PEX6: variants seen among roughly 807,000 people sequenced by gnomAD.
PEX6 encodes the protein peroxisome biogenesis factor 6.
Under a neutral mutation model 85.6 loss-of-function variants are expected in PEX6, and 55 were observed. That is an observed-to-expected ratio of 0.64 (90% confidence interval 0.52 to 0.80). The LOEUF (loss-of-function observed/expected upper bound fraction) is 0.80. PEX6 is among the 30% of genes least tolerant of loss of function. The probability of loss-of-function intolerance (pLI) is 0.00; values close to 1 mark genes in which losing one functional copy is unlikely to be tolerated. For synonymous variants in PEX6, 519 were observed against 549.1 expected (o/e 0.95, Z 0.77); for missense variants, 1,099 against 1,260.3 (o/e 0.87, Z 1.94).
chr6:42,974,509 G>GT (rs1187934449), intron 2 of PEX6, among the ~76,000 whole-genome samples: 3 of 133,764 alleles, frequency 2.2e-5, no homozygotes, highest in African/African-American at 8.3e-5. Flanking sequence ...CCAGGCTAGA[G>GT]TGCAGTGGTG....
chr6:42,967,472 G>C lies in PEX6; in HGVS notation c.1780C>G (p.Pro594Ala). The stretch of plus-strand genomic sequence containing the variant: ...AGCCGCTGCCCCTCTGACAGAGCAG[G>C]CACCTCGAGCTCATGAGGAAATGCT... The part of the protein sequence containing the change: ...QTAFPHELEV[P>A]ALSEGQRLSI... The change falls in exon 8 of 17, where the codon CCT becomes GCT. Residue 594 changes from proline to alanine, a missense_variant. Around this residue, in one of 3 missense-constraint regions of PEX6, gnomAD observed 514 missense variants for 627.0 expected, o/e 0.82. Coordinates refer to ENST00000304611, the MANE Select transcript of PEX6 (RefSeq NM_000287.4). The C allele has an allele frequency of 6.2e-7, 1 of 1,611,662 alleles. No homozygotes were observed. Among genetic ancestry groups the C allele is most frequent in the Non-Finnish European group, 8.5e-7 (1 of 1,179,194 alleles).
Position 42,978,924 on chromosome 6 carries a change from A to G in PEX6, c.227T>C (p.Val76Ala), listed in dbSNP as rs1770437364. The G allele has an allele frequency of 6.7e-7, 1 of 1,488,686 alleles. No individual in the cohort carries two copies. The highest frequency in any genetic ancestry group is 2.8e-5 in the East Asian group (1 of 35,662). 92.2% of individuals were successfully genotyped at this position (1,488,686 alleles called of 1,614,324 possible). A position where few individuals can be genotyped will look rare whatever the true frequency, so the allele number is the denominator to read the frequency against. ...EQGPGPPQLLVSRALLRLLAL... is the reference protein window; with the variant it reads ...EQGPGPPQLLASRALLRLLAL... The stretch of plus-strand genomic sequence containing the variant: ...CAGGAGCCGCAGCAGCGCGCGGCTA[A>G]CCAGTAGCTGCGGCGGCCCGGGACC... Residue 76 changes from valine (V) to alanine (A), a missense_variant, in exon 1 of 17, where the codon GTT (valine) becomes GCT (alanine). Around this residue, in one of 3 missense-constraint regions of PEX6, gnomAD observed 579 missense variants for 611.6 expected, o/e 0.95. Transcript: ENST00000304611.
rs1429225225 is a variant in PEX6 at position 42,964,325 on chromosome 6, TG to T, written c.*9del. ...CCATGCTGAGCGGGGTCCCAGACCC[TG>T]GGGGGCTCCTAGCAGGCAGCAAACT... On this transcript the variant is annotated 3_prime_UTR_variant, in exon 17 of 17. Transcript: ENST00000304611. The surrounding 1 kb of genome is among the most constrained non-coding windows in gnomAD (Gnocchi z 4.6). 1.2e-6 allele frequency: 2 copies of T among 1,613,290 alleles called. No homozygotes were observed. The highest frequency in any genetic ancestry group is 2.7e-5 in the African/African-American group (2 of 74,924).
Position 42,964,982 on chromosome 6 carries a change from G to C in PEX6, c.2667-53C>G. The C allele has an allele frequency of 1.2e-6, 2 of 1,613,680 alleles. No individual in the cohort carries two copies. The highest frequency in any genetic ancestry group is 1.7e-6 in the Non-Finnish European group (2 of 1,179,590). The stretch of plus-strand genomic sequence containing the variant: ...GTTGGCATCACCTCCTCCCTCGAAA[G>C]CCAGTGCTGACCAGCTCATCCTGCA... On this transcript the variant is annotated intron_variant, in intron 15 of 16. Coordinates refer to ENST00000304611, the MANE Select transcript of PEX6 (RefSeq NM_000287.4). The surrounding 1 kb of genome is among the most constrained non-coding windows in gnomAD (Gnocchi z 4.6).
chr6:42,978,870 G>GCCCGCA lies in PEX6; in HGVS notation c.275_280dup (p.Val92_Arg93dup), dbSNP rs61752142. ...CGCCGGGGGCCGCCGCACCGCCCGC[G>GCCCGCA]CCCGCACCCAGGCCCCGGAGCCCAG... On this transcript the variant is annotated inframe_insertion, in exon 1 of 17. Transcript: ENST00000304611. 6.0e-6 allele frequency: 9 copies of GCCCGCA among 1,492,658 alleles called. No homozygotes were observed. The highest frequency in any genetic ancestry group is 4.8e-4 in the Middle Eastern group (2 of 4,210). The allele number at this position is 1,492,658 out of a possible 1,614,324, so 92.5% of individuals were successfully genotyped here.
rs1370470867 is a variant in PEX6, at chr6:42,964,407, C to T, written c.2871G>A (p.Arg957=). 1.2e-6 allele frequency: 2 copies of T among 1,613,846 alleles called. No individual in the cohort carries two copies. The highest frequency in any genetic ancestry group is 1.7e-6 in the Non-Finnish European group (2 of 1,180,020). ...TMEDLLQAAA[R]LQPSVSEQEL... is the part of the protein sequence containing the mutation. ...CCTGCTCACTGACTGAGGGTTGCAGCCGGGCGGCAGCCTGCAGCAAGTCCT... is the reference window on the plus strand; with the variant it reads ...CCTGCTCACTGACTGAGGGTTGCAGTCGGGCGGCAGCCTGCAGCAAGTCCT... The change falls in exon 17 of 17, where the codon CGG becomes CGA. Residue 957 remains arginine (R), a synonymous_variant. Coordinates refer to ENST00000304611, the MANE Select transcript of PEX6 (RefSeq NM_000287.4). The surrounding 1 kb of genome is among the most constrained non-coding windows in gnomAD (Gnocchi z 4.6).
rs759834813 is a variant in PEX6, at chr6:42,974,010, G to A, written c.1123C>T (p.Leu375=). 6.2e-7 allele frequency: 1 copy of A among 1,613,140 alleles called. No individual in the cohort carries two copies. The highest frequency in any genetic ancestry group is 2.2e-5 in the East Asian group (1 of 44,902). Residue 375 remains leucine (L), a synonymous_variant, in exon 3 of 17, where the codon CTG becomes TTG. Transcript: ENST00000304611. ...VEILEGSPEK[L]PRWREMFFKV... is the part of the protein sequence containing the mutation. ...CAGAAGGCAGCTGCATACCTGGGCAGTTTCTCTGGACTTCCTTCCAGGATC... is the reference window on the plus strand; with the variant it reads ...CAGAAGGCAGCTGCATACCTGGGCAATTTCTCTGGACTTCCTTCCAGGATC...
At chr6:42,974,442 GTTTTTTTTGTTTTT>G (rs1383991704) in intron 2 of PEX6, among the ~76,000 whole-genome samples, 3,602 of 115,884 alleles carry the variant, frequency 0.031, 147 homozygotes, top group African/African-American at 0.12. Flanking sequence ...TGTCTGAAAT[GTTTTTTTTGTTTTT>G]TTTTTTTTTT....
At chr6:42,977,292 G>A (rs180713218) in intron 1 of PEX6, among the ~76,000 whole-genome samples, 5 of 128,992 alleles carry the variant, frequency 3.9e-5, no homozygotes, top group Admixed American at 2.7e-4. Flanking sequence ...TCGCTCTGTC[G>A]TCCAGGCTGG....
Position 42,964,775 on chromosome 6 carries a change from C to T in PEX6, c.2806+15G>A, listed in dbSNP as rs370445298. 7.1e-5 allele frequency: 115 copies of T among 1,613,838 alleles called. 2 individuals carry two copies. The South Asian group carries it at 1.2e-3, about 16-fold the overall frequency. On this transcript the variant is annotated intron_variant, in intron 16 of 16. Transcript: ENST00000304611. The surrounding 1 kb of genome is among the most constrained non-coding windows in gnomAD (Gnocchi z 4.6). ...TAGCTTTTTGGTTGACCTCTCAGAC[C>T]GGCAAGTGGCTCACCTTCCTCCAGG... is the stretch of plus-strand genomic sequence containing the variant.
intron 6 of PEX6, 66 bp from the exon 7 acceptor site, chr6:42,968,564 G>C: frequency 7.2e-7 from 1 of 1,387,374 alleles, no homozygotes; most frequent in Non-Finnish European, 1.0e-6. Flanking sequence ...GAGAATCAGG[G>C]GAGGAGGAGG....
intron 8 of PEX6, among the ~76,000 whole-genome samples, 197 bp downstream of exon 8, chr6:42,967,171 G>T (rs1769856849): frequency 6.6e-6 from 1 of 152,034 alleles, no homozygotes; most frequent in Non-Finnish European, 1.5e-5. Context: ...GTTTCTCCAT[G>T]TTGGCCAGGC....
Position 42,964,649 on chromosome 6 carries a change from C to T in PEX6, c.2806+141G>A. 1 of 1,292,644 alleles carries T rather than the reference C, an allele frequency of 7.7e-7. No homozygotes were observed. The highest frequency in any genetic ancestry group is 1.2e-5 in the South Asian group (1 of 83,258). 80.1% of individuals were successfully genotyped at this position (1,292,644 alleles called of 1,614,324 possible). A position where few individuals can be genotyped will look rare whatever the true frequency, so the allele number is the denominator to read the frequency against. On this transcript the variant is annotated intron_variant, in intron 16 of 16. Transcript: ENST00000304611. The surrounding 1 kb of genome is among the most constrained non-coding windows in gnomAD (Gnocchi z 4.6). Reference sequence around the variant, plus strand: ...TAAACATTTTTTTTAGAGTTGGGGTCTCTCTGTGTTGCCCAGGCTGGCCTC... The same window carrying T: ...TAAACATTTTTTTTAGAGTTGGGGTTTCTCTGTGTTGCCCAGGCTGGCCTC...
intron 3 of PEX6, among the ~76,000 whole-genome samples, chr6:42,970,613 T>C (rs1297818182): frequency 6.6e-6 from 1 of 152,210 alleles, no homozygotes; most frequent in Non-Finnish European, 1.5e-5. Context: ...GAGTTTCTTT[T>C]TGAGATGTTG....
intron 3 of PEX6, among the ~76,000 whole-genome samples, chr6:42,972,845 C>T (rs984916693): frequency 6.6e-5 from 10 of 151,564 alleles, no homozygotes; most frequent in African/African-American, 1.9e-4. Context: ...GTGCACACTC[C>T]GTAGTTAAGG....
Position 42,969,898 on chromosome 6 carries a change from G to A in PEX6, c.1220C>T (p.Thr407Ile). ...TTGGGGCCTCACCATGTACAAGGAG[G>A]TATGGGTGGTGTCGGCCAAGTAGGC... ...ASAYLADTTH[T>I]SLYMVGSTLS... The change falls in exon 4 of 17, where the codon ACC (threonine) becomes ATC (isoleucine). Residue 407 changes from threonine to isoleucine, a missense_variant. Transcript: ENST00000304611. The A allele has an allele frequency of 6.2e-7, 1 of 1,614,200 alleles. No individual in the cohort carries two copies. Among genetic ancestry groups the A allele is most frequent in the South Asian group, 1.1e-5 (1 of 91,088 alleles).
rs9462858 is a variant in PEX6 at position 42,978,752 on chromosome 6, C to G, written c.399G>C (p.Val133=). The G allele has an allele frequency of 1.3e-6, 2 of 1,535,086 alleles. No homozygotes were observed. Among genetic ancestry groups the G allele is most frequent in the Non-Finnish European group, 1.7e-6 (2 of 1,146,606 alleles). The change falls in exon 1 of 17, where the codon GTG becomes GTC. Residue 133 remains valine, a synonymous_variant. Transcript: ENST00000304611. ...GCGTCTCCAGCACCCGCGGTCCGGG[C>G]ACTGGGAGGGTCTCTCCGCGCCTCA... ...LLVRRGETLP[V]PGPRVLETRP...
At chr6:42,975,710 T>C (rs941638207) in intron 1 of PEX6, among the ~76,000 whole-genome samples, 10 of 151,830 alleles carry the variant, frequency 6.6e-5, no homozygotes, top group Non-Finnish European at 1.2e-4. Flanking sequence ...AAACATGATT[T>C]AGTTTTTTTT....
chr6:42,964,164 G>A lies in PEX6; in HGVS notation c.*171C>T. Reference sequence around the variant, plus strand: ...CAAGTAGGCAGGAGATATCTCTTGAGCTGTTGCTGCTGTCTCAATGCCACT... The same window carrying A: ...CAAGTAGGCAGGAGATATCTCTTGAACTGTTGCTGCTGTCTCAATGCCACT... On this transcript the variant is annotated 3_prime_UTR_variant, in exon 17 of 17. Coordinates refer to ENST00000304611, the MANE Select transcript of PEX6 (RefSeq NM_000287.4). The surrounding 1 kb of genome is among the most constrained non-coding windows in gnomAD (Gnocchi z 4.6). 1.5e-6 allele frequency: 1 copy of A among 674,388 alleles called. No individual in the cohort carries two copies. The highest frequency in any genetic ancestry group is 1.8e-5 in the South Asian group (1 of 55,792). 41.8% of individuals were successfully genotyped at this position (674,388 alleles called of 1,614,324 possible).
Sources: allele counts gnomAD v4.1 joint callset (sites outside exome capture counted in the v4.1 genomes callset), GRCh38; gene constraint gnomAD v4.1.1; regional missense constraint gnomAD v4.1.1; non-coding constraint Gnocchi (gnomAD v3.1); transcripts MANE v1.5; gene names NCBI Gene and HGNC (gene_info 2026-07-23, HGNC 2026-07-21).